Variants in PROSER2 observed in about 807,000 individuals in gnomAD.
PROSER2 encodes the protein proline and serine-rich protein 2.
A neutral mutation model predicts 14.6 loss-of-function variants in PROSER2; 18 were observed. The observed-to-expected ratio is 1.23, with a 90% CI of 0.85 to 1.83. The LOEUF (loss-of-function observed/expected upper bound fraction) is 1.83. Ranked by LOEUF, PROSER2 falls within the 40% of genes most tolerant of loss-of-function variation. PROSER2 has a pLI of 0.00. For synonymous variants in PROSER2, 367 were observed against 286.4 expected, an observed-to-expected ratio of 1.28 and a Z score of -2.84; for missense variants, 823 against 629.8, an observed-to-expected ratio of 1.31 and a Z score of -3.28.
rs1052569131 is a variant in PROSER2 at position 11,862,647 on chromosome 10, T to G, written c.139-3884T>G. Among the ~76,000 whole-genome samples, 1 of 152,146 alleles carries G rather than the reference T, an allele frequency of 6.6e-6. No homozygotes were observed. The highest frequency in any genetic ancestry group is 2.4e-5 in the African/African-American group (1 of 41,430). ...AGACCTAGGCTGCAATGAGCTGTGA[T>G]TGTACCACTGCACTGTAGACTGGGC... On this transcript the variant is annotated intron_variant, in intron 2 of 3. Coordinates refer to ENST00000277570, the MANE Select transcript of PROSER2 (RefSeq NM_153256.4). The surrounding 1 kb of genome is among the most constrained non-coding windows in gnomAD (Gnocchi z 4.2).
intron 3 of PROSER2, among the ~76,000 whole-genome samples, chr10:11,867,114 A>C (rs1834364273): frequency 6.6e-6 from 1 of 151,806 alleles, no homozygotes; most frequent in South Asian, 2.1e-4. Context: ...AAATACAAAA[A>C]ATTAGCCAGG....
rs1138983 is a variant in PROSER2, at chr10:11,836,963, G to A, written c.-82+13493G>A. ...TCTGAGTAGTGGGATGAAATGCGTC[G>A]TTCTGATCCATTGCCTCCTGCATGC... On this transcript the variant is annotated intron_variant, in intron 1 of 3. Coordinates refer to ENST00000277570, the MANE Select transcript of PROSER2 (RefSeq NM_153256.4). This position sits in a 1 kb window ranked among gnomAD's most constrained non-coding sequence, Gnocchi z 4.6. Among the ~76,000 whole-genome samples the A allele has an allele frequency of 7.2e-4, 110 of 152,268 alleles. No homozygotes were observed. The Middle Eastern group carries it at 0.014, about 19-fold the overall frequency.
rs1833671051 is a variant in PROSER2, at chr10:11,830,073, G to A, written c.-82+6603G>A. On this transcript the variant is annotated intron_variant, in intron 1 of 3. Transcript: ENST00000277570. The surrounding 1 kb of genome is among the most constrained non-coding windows in gnomAD (Gnocchi z 4.5). ...GGCCATGCTGGTCTCGAACTCCTGA[G>A]CTCAAGTGATTCACCTACCTCAGCC... Among the ~76,000 whole-genome samples, 2 of 152,058 alleles carry A rather than the reference G, an allele frequency of 1.3e-5. No homozygotes were observed. Among genetic ancestry groups the A allele is most frequent in the South Asian group, 4.2e-4 (2 of 4,806 alleles).
rs750181845 is a variant in PROSER2 at position 11,859,008 on chromosome 10, C to CAAAAAAAAAAAAAA, written c.138+6804_138+6817dup. ...TGGGCAACAAAGCGAGACTCTGTCT[C>CAAAAAAAAAAAAAA]AAAAAAAAAAAAAAAAAAAAAAAAG... On this transcript the variant is annotated intron_variant, in intron 2 of 3. Coordinates refer to ENST00000277570, the MANE Select transcript of PROSER2 (RefSeq NM_153256.4). Among the ~76,000 whole-genome samples, 24 of 61,114 alleles carry CAAAAAAAAAAAAAA rather than the reference C, an allele frequency of 3.9e-4. 1 individual carries two copies. The highest frequency in any genetic ancestry group is 3.5e-3 in the East Asian group (5 of 1,448). The allele number at this position is 61,114 out of a possible 152,430, so 40.1% of individuals were successfully genotyped here.
In PROSER2 at chr10:11,843,142, A is replaced by G. The variant is rs553200820; in HGVS notation, c.-81-8855A>G. On this transcript the variant is annotated intron_variant, in intron 1 of 3. Transcript: ENST00000277570. The stretch of plus-strand genomic sequence containing the variant: ...TTTTTAGTATAGACGGGGTTTCACC[A>G]TGTTAGCCAGGATGGTCTTGATCTC... Among the ~76,000 whole-genome samples the G allele has an allele frequency of 8.2e-3, 1,219 of 148,134 alleles. 15 individuals carry two copies. The highest frequency in any genetic ancestry group is 0.028 in the African/African-American group (1,147 of 40,882).
In PROSER2 at chr10:11,870,451, G is replaced by A. The variant is rs1224403822; in HGVS notation, c.*45G>A. Reference sequence around the variant, plus strand: ...CCACCCCGTTTCTCCCCACCCTGAAGAGAGGGTGAAAGAGTCGCTGCACCC... The same window carrying A: ...CCACCCCGTTTCTCCCCACCCTGAAAAGAGGGTGAAAGAGTCGCTGCACCC... On this transcript the variant is annotated 3_prime_UTR_variant, in exon 4 of 4. Coordinates refer to ENST00000277570, the MANE Select transcript of PROSER2 (RefSeq NM_153256.4). 1 of 1,386,840 alleles carries A rather than the reference G, an allele frequency of 7.2e-7. No homozygotes were observed. The highest frequency in any genetic ancestry group is 3.0e-5 in the East Asian group (1 of 33,168). 85.9% of individuals were successfully genotyped at this position (1,386,840 alleles called of 1,614,324 possible).
chr10:11,869,426 G>T lies in PROSER2; in HGVS notation c.392-64G>T, dbSNP rs72775915. On this transcript the variant is annotated intron_variant, in intron 3 of 3. Coordinates refer to ENST00000277570, the MANE Select transcript of PROSER2 (RefSeq NM_153256.4). The surrounding 1 kb of genome is among the most constrained non-coding windows in gnomAD (Gnocchi z 4.4). ...TGAGGCTCTTTTCAGTTCAGCGAGA[G>T]GGAACTTCATGCATTTACTTTCACG... The T allele has an allele frequency of 1.6e-6, 2 of 1,262,296 alleles. No individual in the cohort carries two copies. Among genetic ancestry groups the T allele is most frequent in the African/African-American group, 2.9e-5 (2 of 68,022 alleles). 78.2% of individuals were successfully genotyped at this position (1,262,296 alleles called of 1,614,324 possible). A position where few individuals can be genotyped will look rare whatever the true frequency, so the allele number is the denominator to read the frequency against.
At chr10:11,858,121 T>C (rs1219524387) in intron 2 of PROSER2, among the ~76,000 whole-genome samples, 1 of 151,986 alleles carries the variant, frequency 6.6e-6, no homozygotes, top group Non-Finnish European at 1.5e-5. Context: ...GTATTTTTAG[T>C]AGAAACGGGG....
Position 11,856,840 on chromosome 10 carries a change from G to A in PROSER2, c.138+4625G>A, listed in dbSNP as rs1834131763. ...TGGCCGGGCCGGAGCAAAGTCTGAG[G>A]AGTGTGCTAGAAATCTGATGTGCTG... On this transcript the variant is annotated intron_variant, in intron 2 of 3. Coordinates refer to ENST00000277570, the MANE Select transcript of PROSER2 (RefSeq NM_153256.4). The surrounding 1 kb of genome is among the most constrained non-coding windows in gnomAD (Gnocchi z 5.3). Among the ~76,000 whole-genome samples the A allele has an allele frequency of 6.6e-6, 1 of 152,200 alleles. No individual in the cohort carries two copies. Among genetic ancestry groups the A allele is most frequent in the Non-Finnish European group, 1.5e-5 (1 of 68,036 alleles).
chr10:11,863,126 C>G (rs905368141), intron 2 of PROSER2: 1 of 152,206 alleles, frequency 6.6e-6, no homozygotes, highest in Non-Finnish European at 1.5e-5. Flanking sequence ...CTGAGACATC[C>G]TTCTTTCAGG....
intron 2 of PROSER2, among the ~76,000 whole-genome samples, chr10:11,859,163 T>G (rs1212184405): frequency 6.6e-6 from 1 of 152,070 alleles, no homozygotes; most frequent in African/African-American, 2.4e-5. Flanking sequence ...GGCTCATGCC[T>G]GTAATCCCAG....
chr10:11,871,963 T>C lies in PROSER2; in HGVS notation c.*1557T>C, dbSNP rs972154826. 7 of 152,252 alleles carry C rather than the reference T, an allele frequency of 4.6e-5. No individual in the cohort carries two copies. The highest frequency in any genetic ancestry group is 1.0e-4 in the Non-Finnish European group (7 of 68,050). 9.4% of individuals were successfully genotyped at this position (152,252 alleles called of 1,614,324 possible). Reference sequence around the variant, plus strand: ...GAATAATAACCTCATAGATTCCTGATCTTAATTTAAATAGGTGCTTTAATT... The same window carrying C: ...GAATAATAACCTCATAGATTCCTGACCTTAATTTAAATAGGTGCTTTAATT... On this transcript the variant is annotated 3_prime_UTR_variant, in exon 4 of 4. Coordinates refer to ENST00000277570, the MANE Select transcript of PROSER2 (RefSeq NM_153256.4).
chr10:11,840,571 G>A (rs552067743), intron 1 of PROSER2, among the ~76,000 whole-genome samples: 25 of 152,040 alleles, frequency 1.6e-4, no homozygotes, highest in African/African-American at 4.8e-4. Flanking sequence ...TGACTGGCTT[G>A]TCATTTTTCC....
intron 1 of PROSER2, among the ~76,000 whole-genome samples, chr10:11,824,089 G>A (rs921747574): frequency 7.2e-5 from 11 of 152,232 alleles, no homozygotes; most frequent in African/African-American, 2.2e-4. Context: ...AAGTTTCCCA[G>A]TATTGTTTTA....
At chr10:11,848,395 C>T (rs1833958239) in intron 1 of PROSER2, among the ~76,000 whole-genome samples, 1 of 152,200 alleles carries the variant, frequency 6.6e-6, no homozygotes, top group African/African-American at 2.4e-5. Flanking sequence ...TCTCGAACTC[C>T]TGACCTCAGG....
rs1834359207 is a variant in PROSER2, at chr10:11,866,846, ACTT to A, written c.391+67_391+69del. On this transcript the variant is annotated intron_variant, in intron 3 of 3. Coordinates refer to ENST00000277570, the MANE Select transcript of PROSER2 (RefSeq NM_153256.4). The surrounding 1 kb of genome is among the most constrained non-coding windows in gnomAD (Gnocchi z 6.0). Reference sequence around the variant, plus strand: ...CCTGGTGTCTGTGAGACCCAGAGATACTTCTTTTGTGTTCCCCTGTGTTTGCCA... The same window carrying A: ...CCTGGTGTCTGTGAGACCCAGAGATACTTTTGTGTTCCCCTGTGTTTGCCA... 26 of 1,541,906 alleles carry A rather than the reference ACTT, an allele frequency of 1.7e-5. No individual in the cohort carries two copies. The highest frequency in any genetic ancestry group is 2.3e-5 in the Non-Finnish European group (26 of 1,148,300).
At chr10:11,846,204 C>G (rs1313380032) in intron 1 of PROSER2, among the ~76,000 whole-genome samples, 1 of 152,128 alleles carries the variant, frequency 6.6e-6, no homozygotes. Flanking sequence ...CTAGGCTGGT[C>G]TCGAACTCCT....
chr10:11,843,559 G>A (rs1187752354), intron 1 of PROSER2, among the ~76,000 whole-genome samples: 1 of 151,912 alleles, frequency 6.6e-6, no homozygotes. Flanking sequence ...GGTAGCACAC[G>A]CCTATAGTCC....
At chr10:11,828,897 G>C (rs187910693) in intron 1 of PROSER2, among the ~76,000 whole-genome samples, 2 of 152,240 alleles carry the variant, frequency 1.3e-5, no homozygotes, top group African/African-American at 4.8e-5. Context: ...TGTTTTGGGA[G>C]CAGAGGACAG....
Sources: allele counts gnomAD v4.1 joint callset (sites outside exome capture counted in the v4.1 genomes callset), GRCh38; gene constraint gnomAD v4.1.1; non-coding constraint Gnocchi (gnomAD v3.1); transcripts MANE v1.5; gene names NCBI Gene and HGNC (gene_info 2026-07-23, HGNC 2026-07-21).